Variants in EXOC6 observed in about 807,000 individuals in gnomAD.
EXOC6 encodes the protein exocyst complex component 6.
EXOC6 carries 60 observed loss-of-function variants against 112.5 expected under a neutral mutation model. That is an observed-to-expected ratio of 0.53 (90% CI 0.43 to 0.66). The LOEUF (loss-of-function observed/expected upper bound fraction) is 0.66, where lower values mean the gene tolerates loss of function less well. Among genes scored for constraint, EXOC6 ranks in the 30% least tolerant of loss-of-function variants. EXOC6 has a pLI of 0.00. For synonymous variants in EXOC6, 295 were observed against 308.0 expected, an observed-to-expected ratio of 0.96 and a Z score of 0.44; for missense variants, 855 against 957.1, an observed-to-expected ratio of 0.89 and a Z score of 1.41.
intron 1 of EXOC6, among the ~76,000 whole-genome samples, chr10:92,849,529 G>A (rs1431480263): frequency 6.6e-6 from 1 of 152,082 alleles, no homozygotes; most frequent in African/African-American, 2.4e-5. Context: ...TACATATAAG[G>A]TTTCATCTTT....
At chr10:92,861,875 C>A (rs1404401774) in intron 1 of EXOC6, among the ~76,000 whole-genome samples, 1 of 152,134 alleles carries the variant, frequency 6.6e-6, no homozygotes, top group African/African-American at 2.4e-5. Context: ...CATTAGGGAA[C>A]AGGTTTGTGG....
chr10:92,920,410 C>G (rs910556826), intron 8 of EXOC6, among the ~76,000 whole-genome samples: 1 of 152,078 alleles, frequency 6.6e-6, no homozygotes, highest in African/African-American at 2.4e-5. Flanking sequence ...TTATTGAGAT[C>G]TAGTTCACAT....
chr10:93,003,607 C>T (rs138676260), intron 19 of EXOC6, among the ~76,000 whole-genome samples: 178 of 152,086 alleles, frequency 1.2e-3, no homozygotes, highest in African/African-American at 4.1e-3. Context: ...AAATGTTTAA[C>T]GAGAACCTAT....
intron 20 of EXOC6, among the ~76,000 whole-genome samples, chr10:93,043,095 C>T (rs1205683211): frequency 1.3e-5 from 2 of 152,068 alleles, no homozygotes; most frequent in African/African-American, 4.8e-5. Flanking sequence ...ACCACCACAG[C>T]CAGCTAATTT....
intron 20 of EXOC6, among the ~76,000 whole-genome samples, chr10:93,036,077 G>T (rs1249413043): frequency 2.6e-5 from 4 of 151,988 alleles, no homozygotes; most frequent in Non-Finnish European, 4.4e-5. Flanking sequence ...AAAACATTAG[G>T]CATGATGGCG....
chr10:92,896,087 A>ATGTGTG (rs1326137843), intron 4 of EXOC6, among the ~76,000 whole-genome samples: 1 of 83,234 alleles, frequency 1.2e-5, no homozygotes, highest in Non-Finnish European at 2.2e-5. Flanking sequence ...ATATGTGTAT[A>ATGTGTG]TATATATGTG....
upstream of EXOC6, chr10:92,834,586 C>A: frequency 3.5e-6 from 2 of 569,534 alleles, no homozygotes; most frequent in Non-Finnish European, 6.1e-6. Context: ...AGCATGAAGT[C>A]AGACAGTGAG....
chr10:92,889,159 C>T (rs1023982333), intron 1 of EXOC6, among the ~76,000 whole-genome samples: 1 of 152,068 alleles, frequency 6.6e-6, no homozygotes, highest in Non-Finnish European at 1.5e-5. Context: ...CACTGGTTCA[C>T]TTGTTTAACG....
At chr10:93,040,951 A>C (rs1845737599) in intron 20 of EXOC6, among the ~76,000 whole-genome samples, 1 of 152,162 alleles carries the variant, frequency 6.6e-6, no homozygotes, top group Admixed American at 6.5e-5. Flanking sequence ...GACCTAGGTG[A>C]GCTGACCCGC....
chr10:92,899,263 G>A (rs1476294591), intron 4 of EXOC6, among the ~76,000 whole-genome samples: 1 of 152,004 alleles, frequency 6.6e-6, no homozygotes, highest in Non-Finnish European at 1.5e-5. Context: ...TCTATTTCAG[G>A]GAAGAAATAT....
chr10:92,843,848 C>A (rs979674683), upstream of EXOC6, among the ~76,000 whole-genome samples: 1 of 151,960 alleles, frequency 6.6e-6, no homozygotes, highest in African/African-American at 2.4e-5. Flanking sequence ...ATTAGCCGGG[C>A]GTGGTGGCTG....
At chr10:92,975,809 G>T (rs1178114140) in intron 18 of EXOC6, among the ~76,000 whole-genome samples, 1 of 127,054 alleles carries the variant, frequency 7.9e-6, no homozygotes, top group Non-Finnish European at 1.7e-5. Flanking sequence ...CAGCCCCCGC[G>T]CCCGGCCAGC....
intron 1 of EXOC6, among the ~76,000 whole-genome samples, chr10:92,892,509 G>A (rs1849557118): frequency 6.6e-6 from 1 of 152,204 alleles, no homozygotes; most frequent in Non-Finnish European, 1.5e-5. Flanking sequence ...CTGACCTCCT[G>A]CCCCTCCACA....
intron 1 of EXOC6, among the ~76,000 whole-genome samples, chr10:92,827,506 A>AAAC (rs1846406253): frequency 6.8e-6 from 1 of 147,316 alleles, no homozygotes; most frequent in Non-Finnish European, 1.5e-5. Flanking sequence ...AAAAAAAAAA[A>AAAC]TCCCCATGTT....
At chr10:92,998,482 T>A (rs767741587) in intron 19 of EXOC6, among the ~76,000 whole-genome samples, 12 of 152,222 alleles carry the variant, frequency 7.9e-5, no homozygotes, top group Non-Finnish European at 1.5e-4. Context: ...AGTTTGCAAC[T>A]GAAGCAGAAA....
At chr10:92,837,980 C>T (rs1244352798) in intron 1 of EXOC6, among the ~76,000 whole-genome samples, 1 of 152,168 alleles carries the variant, frequency 6.6e-6, no homozygotes, top group Non-Finnish European at 1.5e-5. Flanking sequence ...CCTTTCCCTG[C>T]CCACCTTGTT....
At position 93,011,312 on chromosome 10, in the gene EXOC6, A is replaced by G. The variant is rs183398837; in HGVS notation, c.2096-2882A>G. The stretch of plus-strand genomic sequence containing the variant: ...TGCTTTGTCACCCAGGCTGGAGTGC[A>G]GTGGTACGATCATGGCTCAGTGCAG... On this transcript the variant is annotated intron_variant, in intron 19 of 21. Coordinates refer to ENST00000260762, the MANE Select transcript of EXOC6 (RefSeq NM_019053.6). 2.0e-5 allele frequency among the ~76,000 whole-genome samples: 3 copies of G among 151,790 alleles called. No homozygotes were observed. The East Asian group carries it at 5.8e-4, about 30-fold the overall frequency.
intron 20 of EXOC6, among the ~76,000 whole-genome samples, chr10:93,026,976 C>A (rs113232989): frequency 0.015 from 2,314 of 152,208 alleles, 50 homozygotes; most frequent in African/African-American, 0.053. Flanking sequence ...AGCTGATAGA[C>A]CAAAAGCAAG....
At chr10:92,843,499 T>C (rs1589680343), upstream of EXOC6, among the ~76,000 whole-genome samples, 1 of 152,332 alleles carries the variant, frequency 6.6e-6, no homozygotes, top group East Asian at 1.9e-4. Context: ...AGGATAATGA[T>C]AGGGTTCCCA....
Sources: gnomAD v4.1 joint callset for allele counts (sites outside exome capture counted in the v4.1 genomes callset) on GRCh38, gnomAD v4.1.1 for gene constraint, MANE v1.5 for transcripts, NCBI Gene and HGNC (gene_info 2026-07-23, HGNC 2026-07-21) for gene names.